ATXN7L1: variants seen among roughly 807,000 people sequenced by gnomAD.
The protein encoded by ATXN7L1 is ataxin-7-like protein 1.
Under a neutral mutation model 70.8 loss-of-function variants are expected in ATXN7L1, and 15 were observed. That is an observed-to-expected ratio of 0.21 (90% CI 0.14 to 0.33). ATXN7L1 has a LOEUF of 0.33. Ranked by LOEUF, ATXN7L1 falls within the 10% of genes least tolerant of loss-of-function variation. ATXN7L1 has a pLI of 1.00. For synonymous variants in ATXN7L1, 440 were observed against 445.1 expected, an observed-to-expected ratio of 0.99 and a Z score of 0.14; for missense variants, 975 against 1,097.1, an observed-to-expected ratio of 0.89 and a Z score of 1.57.
intron 3 of ATXN7L1, chr7:105,761,156 T>G (rs1584942306): frequency 8.0e-7 from 1 of 1,254,732 alleles, no homozygotes. Flanking sequence ...TTTGTGGTGG[T>G]GAAAATGAAG....
intron 2 of ATXN7L1, among the ~76,000 whole-genome samples, chr7:105,863,938 C>G (rs2116661147): frequency 6.6e-6 from 1 of 152,116 alleles, no homozygotes; most frequent in Admixed American, 6.6e-5. Flanking sequence ...ATTTAAAACA[C>G]AAACAAAAAA....
chr7:105,832,185 C>A (rs1450883370), intron 2 of ATXN7L1, among the ~76,000 whole-genome samples: 2 of 151,980 alleles, frequency 1.3e-5, no homozygotes, highest in East Asian at 1.9e-4. Flanking sequence ...GGCAGGAAAA[C>A]CCAGTTACTT....
chr7:105,727,646 G>T (rs1296451726), intron 3 of ATXN7L1, among the ~76,000 whole-genome samples: 1 of 141,058 alleles, frequency 7.1e-6, no homozygotes, highest in African/African-American at 2.7e-5. Flanking sequence ...TCCAGCCTGG[G>T]CGACAAGAGT....
intron 3 of ATXN7L1, among the ~76,000 whole-genome samples, chr7:105,699,796 T>C (rs1421044583): frequency 3.9e-5 from 6 of 152,196 alleles, no homozygotes; most frequent in South Asian, 4.1e-4. Context: ...TGAGAAAGAA[T>C]GCAAGGACTT....
rs550482316 is a variant in ATXN7L1, at chr7:105,771,155, G to A, written c.355+17449C>T. ...GCAGAGGTTGCAGTGAGCCGAGATC[G>A]CGCCACTGCACTCCAGCCTGGGCGA... is the stretch of plus-strand genomic sequence containing the variant. On this transcript the variant is annotated intron_variant, in intron 3 of 11. Transcript: ENST00000419735. Among the ~76,000 whole-genome samples the A allele has an allele frequency of 4.6e-5, 7 of 151,302 alleles. No homozygotes were observed. In the South Asian group the frequency reaches 1.3e-3, roughly 27 times the overall value.
intron 3 of ATXN7L1, among the ~76,000 whole-genome samples, chr7:105,759,462 G>GTA (rs1800249482): frequency 7.3e-5 from 7 of 95,810 alleles, no homozygotes; most frequent in Non-Finnish European, 1.4e-4. Flanking sequence ...GTGTGTGTGT[G>GTA]TGTGTGTGTG....
chr7:105,838,893 G>C (rs556693556), intron 2 of ATXN7L1, among the ~76,000 whole-genome samples: 1 of 152,230 alleles, frequency 6.6e-6, no homozygotes, highest in South Asian at 2.1e-4. Context: ...TTTCACTCAC[G>C]AGAAAGACTC....
intron 2 of ATXN7L1, among the ~76,000 whole-genome samples, chr7:105,811,215 C>T (rs76211606): frequency 0.063 from 9,623 of 152,174 alleles, 519 homozygotes; most frequent in East Asian, 0.26. Context: ...GAGACACAGA[C>T]AGGCCTGGAG....
intron 3 of ATXN7L1, among the ~76,000 whole-genome samples, chr7:105,715,157 C>T (rs979340013): frequency 6.6e-6 from 1 of 152,150 alleles, no homozygotes; most frequent in Non-Finnish European, 1.5e-5. Context: ...TTAGCATAAA[C>T]CCTGGGAGGC....
At chr7:105,619,334 G>A (rs1353744494) in intron 9 of ATXN7L1, among the ~76,000 whole-genome samples, 2 of 145,582 alleles carry the variant, frequency 1.4e-5, no homozygotes, top group African/African-American at 5.0e-5. Flanking sequence ...TTTTAGTAGA[G>A]ACGGGGGTTT....
At chr7:105,645,911 G>A (rs1468363853) in intron 4 of ATXN7L1, among the ~76,000 whole-genome samples, 2 of 151,998 alleles carry the variant, frequency 1.3e-5, no homozygotes, top group Non-Finnish European at 2.9e-5. Context: ...GGAGGCTAAG[G>A]TGGGAGAATC....
At chr7:105,819,855 T>C (rs1243219284) in intron 2 of ATXN7L1, 2 of 606,350 alleles carry the variant, frequency 3.3e-6, no homozygotes, top group East Asian at 4.1e-5. Flanking sequence ...TGGTTCCTGC[T>C]GCCCTCAAGG....
At chr7:105,751,188 C>A (rs969540473) in intron 3 of ATXN7L1, among the ~76,000 whole-genome samples, 14 of 152,158 alleles carry the variant, frequency 9.2e-5, no homozygotes, top group African/African-American at 3.4e-4. Context: ...TGGGATTACT[C>A]CATACTCCAT....
Position 105,688,635 on chromosome 7 carries a change from G to A in ATXN7L1, c.356-23347C>T, listed in dbSNP as rs530822552. Among the ~76,000 whole-genome samples the A allele has an allele frequency of 4.5e-4, 69 of 152,118 alleles. 1 individual carries two copies. Among genetic ancestry groups the A allele is most frequent in the Middle Eastern group, 3.4e-3 (1 of 294 alleles). On this transcript the variant is annotated intron_variant, in intron 3 of 11. Transcript: ENST00000419735. ...CTCTACCTTATGCCCTGGCGTAAGCGCCAATGAAGCCTTGTCTGGGAAGAC... is the reference window on the plus strand; with the variant it reads ...CTCTACCTTATGCCCTGGCGTAAGCACCAATGAAGCCTTGTCTGGGAAGAC...
At chr7:105,646,357 C>T (rs1189942265) in intron 4 of ATXN7L1, among the ~76,000 whole-genome samples, 14 of 152,222 alleles carry the variant, frequency 9.2e-5, no homozygotes, top group Non-Finnish European at 1.9e-4. Flanking sequence ...TATGGTGGCT[C>T]ATGTCTGTAG....
intron 2 of ATXN7L1, among the ~76,000 whole-genome samples, chr7:105,799,912 G>A (rs1310052608): frequency 1.3e-5 from 2 of 152,164 alleles, no homozygotes; most frequent in African/African-American, 4.8e-5. Context: ...CAGCTGGACT[G>A]GCTACCGACT....
chr7:105,702,926 G>A (rs957333811), intron 3 of ATXN7L1, among the ~76,000 whole-genome samples: 10 of 152,120 alleles, frequency 6.6e-5, no homozygotes, highest in African/African-American at 2.4e-4. Context: ...AGACCATCCT[G>A]ACTAACAGTG....
intron 3 of ATXN7L1, among the ~76,000 whole-genome samples, chr7:105,786,455 G>C (rs990077853): frequency 6.6e-6 from 1 of 152,182 alleles, no homozygotes; most frequent in African/African-American, 2.4e-5. Flanking sequence ...TCCCTTTCAG[G>C]ATCCTTCCAT....
At chr7:105,732,726 G>C (rs969828728) in intron 3 of ATXN7L1, among the ~76,000 whole-genome samples, 3 of 152,190 alleles carry the variant, frequency 2.0e-5, no homozygotes, top group African/African-American at 7.2e-5. Flanking sequence ...TTAGATGGCA[G>C]CAGTAGCTTT....
Sources: allele counts gnomAD v4.1 joint callset (sites outside exome capture counted in the v4.1 genomes callset), GRCh38; gene constraint gnomAD v4.1.1; transcripts MANE v1.5; gene names NCBI Gene and HGNC (gene_info 2026-07-23, HGNC 2026-07-21).